CBL: variants seen among roughly 807,000 people sequenced by gnomAD.
CBL encodes Cbl proto-oncogene.
CBL carries 45 observed loss-of-function variants against 96.9 expected under a neutral mutation model. The observed-to-expected ratio is 0.46, with a 90% CI of 0.37 to 0.60. The LOEUF (loss-of-function observed/expected upper bound fraction) is 0.60. Ranked by LOEUF, CBL falls within the 20% of genes least tolerant of loss-of-function variation. CBL has a pLI of 0.00. For missense variants in CBL, 1,024 were observed against 1,143.5 expected (o/e 0.90, Z 1.51); for synonymous variants, 420 against 426.8 (o/e 0.98, Z 0.20).
chr11:119,250,069 T>G (rs1392339128), intron 2 of CBL, among the ~76,000 whole-genome samples: 1 of 152,192 alleles, frequency 6.6e-6, no homozygotes, highest in East Asian at 1.9e-4. Context: ...GGGCAATTTT[T>G]GAGTGGATGC....
At chr11:119,282,030 T>TA (rs1431505939) in intron 9 of CBL, among the ~76,000 whole-genome samples, 1 of 152,170 alleles carries the variant, frequency 6.6e-6, no homozygotes, top group Non-Finnish European at 1.5e-5. Context: ...TCTGGAGCCT[T>TA]ATATGCTATG....
At chr11:119,242,874 T>G (rs1257360954) in intron 2 of CBL, among the ~76,000 whole-genome samples, 1 of 152,102 alleles carries the variant, frequency 6.6e-6, no homozygotes, top group Non-Finnish European at 1.5e-5. Context: ...TCAAATCTAT[T>G]TATGATGAGT....
chr11:119,253,527 GA>G (rs1397217204), intron 2 of CBL, among the ~76,000 whole-genome samples: 7 of 147,786 alleles, frequency 4.7e-5, no homozygotes, highest in South Asian at 2.2e-4. Flanking sequence ...CAGGCTGGAC[GA>G]TGTGGCTCAC....
rs1565859826 is a variant in CBL at position 119,232,687 on chromosome 11, T to TCAG, written c.437_439dup (p.Gln146dup). 1 of 1,613,300 alleles carries TCAG rather than the reference T, an allele frequency of 6.2e-7. No individual in the cohort carries two copies. Among genetic ancestry groups the TCAG allele is most frequent in the Non-Finnish European group, 8.5e-7 (1 of 1,179,860 alleles). ...AAGAAAGAATGTATGAGGAGAATTC[T>TCAG]CAGCCTAGGTAATGGAGAAATACTA... On this transcript the variant is annotated inframe_insertion, in exon 2 of 16. Coordinates refer to ENST00000264033, the MANE Select transcript of CBL (RefSeq NM_005188.4).
chr11:119,221,037 G>A (rs1162755001), intron 1 of CBL, among the ~76,000 whole-genome samples: 1 of 151,656 alleles, frequency 6.6e-6, no homozygotes, highest in East Asian at 2.0e-4. Context: ...TTGAGGCCAG[G>A]AGTTCGAGAC....
rs545590666 is a variant in CBL, at chr11:119,222,600, A to G, written c.196-9848A>G. On this transcript the variant is annotated intron_variant, in intron 1 of 15. Coordinates refer to ENST00000264033, the MANE Select transcript of CBL (RefSeq NM_005188.4). ...CTGCAGGATTTGGAATGCAAAATAA[A>G]GTTAGCCAAATGGAGGACAGACTAA... is the stretch of plus-strand genomic sequence containing the variant. Among the ~76,000 whole-genome samples, 3 of 152,364 alleles carry G rather than the reference A, an allele frequency of 2.0e-5. No homozygotes were observed. The South Asian group carries it at 6.2e-4, about 32-fold the overall frequency.
At chr11:119,277,622 TG>T in intron 6 of CBL, 134 bp from the exon 7 acceptor site, 1 of 662,568 alleles carries the variant, frequency 1.5e-6, no homozygotes. Context: ...ATTTTTTTTT[TG>T]AAGTAAGATT....
intron 1 of CBL, among the ~76,000 whole-genome samples, chr11:119,213,873 G>A (rs983693169): frequency 2.6e-5 from 4 of 151,966 alleles, no homozygotes; most frequent in Admixed American, 1.3e-4. Flanking sequence ...CACCCAACTA[G>A]TAGTTGGCTT....
intron 1 of CBL, among the ~76,000 whole-genome samples, chr11:119,219,570 G>A (rs942267820): frequency 1.3e-5 from 2 of 152,004 alleles, no homozygotes; most frequent in African/African-American, 4.8e-5. Flanking sequence ...ACCACTGAGG[G>A]TCTTGGAATG....
chr11:119,232,313 G>A, intron 1 of CBL, 135 bp from the exon 2 acceptor site: 2 of 952,760 alleles, frequency 2.1e-6, no homozygotes, highest in Non-Finnish European at 3.2e-6. Context: ...TGGGGTTATG[G>A]ATCTGCTTCT....
At chr11:119,239,670 G>T (rs989975488) in intron 2 of CBL, among the ~76,000 whole-genome samples, 6 of 152,142 alleles carry the variant, frequency 3.9e-5, no homozygotes, top group African/African-American at 1.4e-4. Context: ...TATTGAGGAG[G>T]AAAATGTTCA....
chr11:119,291,780 C>T (rs1950028473), intron 12 of CBL, among the ~76,000 whole-genome samples: 1 of 152,194 alleles, frequency 6.6e-6, no homozygotes, highest in Non-Finnish European at 1.5e-5. Context: ...ACGTTTTCCC[C>T]TGCTCTGGGT....
intron 2 of CBL, among the ~76,000 whole-genome samples, chr11:119,261,240 A>G (rs1773323260): frequency 6.6e-6 from 1 of 151,984 alleles, no homozygotes; most frequent in Non-Finnish European, 1.5e-5. Context: ...TGGAACATTT[A>G]TTGAAGATTT....
At chr11:119,228,294 G>A (rs1949474680) in intron 1 of CBL, among the ~76,000 whole-genome samples, 1 of 151,986 alleles carries the variant, frequency 6.6e-6, no homozygotes, top group Non-Finnish European at 1.5e-5. Flanking sequence ...ATATGTTTTT[G>A]TAGAGATGGG....
rs1950142630 is a variant in CBL at position 119,306,494 on chromosome 11, C to T, written c.*6713C>T. ...GCTCAATGCGTGCTATGTGCAACTC[C>T]TCAGGCCTTGTGCCACCTCCATGCT... On this transcript the variant is annotated 3_prime_UTR_variant, in exon 16 of 16. Transcript: ENST00000264033. The T allele has an allele frequency of 2.5e-6, 1 of 397,480 alleles. No homozygotes were observed. The highest frequency in any genetic ancestry group is 2.1e-5 in the African/African-American group (1 of 48,584). The allele number at this position is 397,480 out of a possible 1,614,324, so 24.6% of individuals were successfully genotyped here.
intron 2 of CBL, among the ~76,000 whole-genome samples, chr11:119,241,159 T>C (rs1351560616): frequency 6.6e-6 from 1 of 152,200 alleles, no homozygotes; most frequent in Non-Finnish European, 1.5e-5. Context: ...ATTTTAGTTA[T>C]TATTAGCTGG....
At chr11:119,233,865 G>A (rs1476315932) in intron 2 of CBL, among the ~76,000 whole-genome samples, 2 of 152,106 alleles carry the variant, frequency 1.3e-5, no homozygotes, top group Non-Finnish European at 2.9e-5. Flanking sequence ...GGGCCTGTTG[G>A]CCTAGATTCT....
chr11:119,234,671 A>G (rs1565860292), intron 2 of CBL, among the ~76,000 whole-genome samples: 2 of 152,198 alleles, frequency 1.3e-5, no homozygotes, highest in African/African-American at 2.4e-5. Flanking sequence ...AGTGACATGC[A>G]CCTGTAATTC....
rs1950150212 is a variant in CBL, at chr11:119,307,206, TC to T, written c.*7427del. The T allele has an allele frequency of 4.3e-6, 1 of 232,346 alleles. No individual in the cohort carries two copies. The highest frequency in any genetic ancestry group is 5.6e-5 in the Admixed American group (1 of 17,742). The allele number at this position is 232,346 out of a possible 1,614,324, so 14.4% of individuals were successfully genotyped here. Reference sequence around the variant, plus strand: ...TGTACCCTGGGATCATTTGGTTGGTTCCAATCACAAGCTTAGTTATCAGGTT... The same window carrying T: ...TGTACCCTGGGATCATTTGGTTGGTTCAATCACAAGCTTAGTTATCAGGTT... On this transcript the variant is annotated 3_prime_UTR_variant, in exon 16 of 16. Coordinates refer to ENST00000264033, the MANE Select transcript of CBL (RefSeq NM_005188.4).
Sources: gnomAD v4.1 joint callset for allele counts (sites outside exome capture counted in the v4.1 genomes callset) on GRCh38, gnomAD v4.1.1 for gene constraint, MANE v1.5 for transcripts, NCBI Gene and HGNC (gene_info 2026-07-23, HGNC 2026-07-21) for gene names.